The following INTS14 variants were observed in gnomAD, a reference collection of about 807,000 sequenced individuals.
INTS14 encodes integrator complex subunit 14.
In INTS14, 27 loss-of-function variants were observed where a neutral mutation model predicts 56.9. The ratio of observed to expected loss-of-function variants is 0.47; its 90% confidence interval spans 0.35 to 0.65. INTS14 has a LOEUF of 0.65. Among genes scored for constraint, INTS14 ranks in the 30% least tolerant of loss-of-function variants. INTS14 has a pLI of 0.00. For synonymous variants in INTS14, 207 were observed against 236.2 expected (o/e 0.88, Z 1.13); for missense variants, 517 against 632.2 (o/e 0.82, Z 1.95).
chr15:65,600,059 G>T, intron 3 of INTS14, 130 bp from the exon 4 acceptor site: 1 of 1,040,258 alleles, frequency 9.6e-7, no homozygotes, highest in Non-Finnish European at 1.4e-6. Flanking sequence ...TGTAATCCCA[G>T]TGCTTTGGGA....
Position 65,581,965 on chromosome 15 carries a change from T to G in INTS14, c.1294A>C (p.Thr432Pro). 1.2e-6 allele frequency: 2 copies of G among 1,613,454 alleles called. No individual in the cohort carries two copies. Among genetic ancestry groups the G allele is most frequent in the Non-Finnish European group, 1.7e-6 (2 of 1,179,922 alleles). Reference protein sequence around the residue: ...NARKLPEKTQTFYKELNRLRK... With the variant: ...NARKLPEKTQPFYKELNRLRK... ...TCTGTCTGTCTCACCTTATAGAATG[T>G]CTGTGTTTTTTCAGGTAGTTTCCTT... is the stretch of plus-strand genomic sequence containing the variant. Residue 432 changes from threonine (T) to proline (P), a missense_variant, in exon 11 of 12, where the codon ACA (threonine) becomes CCA (proline). By Grantham distance (38) the Thr-to-Pro change is conservative (BLOSUM62 -1). Coordinates refer to ENST00000313182, the MANE Select transcript of INTS14 (RefSeq NM_001394796.1).
intron 7 of INTS14, among the ~76,000 whole-genome samples, chr15:65,594,385 T>C (rs1596250402): frequency 1.4e-5 from 2 of 146,864 alleles, no homozygotes; most frequent in Non-Finnish European, 3.0e-5. Flanking sequence ...TCCCATATTT[T>C]TCTTTTTCTT....
At position 65,599,905 on chromosome 15, in the gene INTS14, G is replaced by T. The variant is rs2073363512; in HGVS notation, c.355C>A (p.Leu119Ile). 1 of 1,613,216 alleles carries T rather than the reference G, an allele frequency of 6.2e-7. No individual in the cohort carries two copies. The highest frequency in any genetic ancestry group is 1.3e-5 in the African/African-American group (1 of 74,844). ...CQVVLVTDGC[L>I]GIGRGSLRHS... ...CGCAGTGACCCTCTACCAATGCCAAGACAGCCGTCTGTCACCAGGACAACC... is the reference window on the plus strand; with the variant it reads ...CGCAGTGACCCTCTACCAATGCCAATACAGCCGTCTGTCACCAGGACAACC... Residue 119 changes from leucine to isoleucine, a missense_variant, in exon 4 of 12, where the codon CTT (leucine) becomes ATT (isoleucine). By Grantham distance (5) the Leu-to-Ile change is conservative. Coordinates refer to ENST00000313182, the MANE Select transcript of INTS14 (RefSeq NM_001394796.1).
rs1214413576 is a variant in INTS14, at chr15:65,579,439, T to C, written c.1526A>G (p.Asp509Gly). Reference sequence around the variant, plus strand: ...TCTTTCAGTGCTGCTCCCAGAGAAGTCCGTGTGCAAAGGTGTGATGTTCTG... The same window carrying C: ...TCTTTCAGTGCTGCTCCCAGAGAAGCCCGTGTGCAAAGGTGTGATGTTCTG... ...YDQNITPLHT[D>G]FSGSSTERI is the part of the protein sequence containing the mutation. Residue 509 changes from aspartate to glycine, a missense_variant, in exon 12 of 12, where the codon GAC (aspartate) becomes GGC (glycine). Asp to Gly is a moderately conservative substitution (Grantham distance 94). Transcript: ENST00000313182. The C allele has an allele frequency of 1.9e-6, 3 of 1,613,250 alleles. No individual in the cohort carries two copies. Among genetic ancestry groups the C allele is most frequent in the Non-Finnish European group, 2.5e-6 (3 of 1,179,332 alleles).
At chr15:65,590,252 T>G (rs2072974509) in intron 9 of INTS14, among the ~76,000 whole-genome samples, 1 of 152,238 alleles carries the variant, frequency 6.6e-6, no homozygotes, top group African/African-American at 2.4e-5. Context: ...TACAAATTTC[T>G]TATCTCTCAC....
At chr15:65,579,736 T>TA in intron 11 of INTS14, 77 bp from the exon 12 acceptor site, 1 of 1,519,928 alleles carries the variant, frequency 6.6e-7, no homozygotes, top group African/African-American at 1.4e-5. Flanking sequence ...CAGCTTAGCA[T>TA]AAGTTCTCCT....
chr15:65,581,421 G>C (rs376467124), intron 11 of INTS14, among the ~76,000 whole-genome samples: 1 of 97,684 alleles, frequency 1.0e-5, no homozygotes, highest in Non-Finnish European at 2.2e-5. Flanking sequence ...GGTGGCACGT[G>C]CCTGTAGTAC....
intron 6 of INTS14, among the ~76,000 whole-genome samples, chr15:65,597,913 C>T (rs1159984531): frequency 2.6e-5 from 4 of 152,090 alleles, no homozygotes; most frequent in Non-Finnish European, 4.4e-5. Flanking sequence ...ATTCTGCCAC[C>T]CCTTAGGTAA....
At position 65,607,070 on chromosome 15, in the gene INTS14, A is replaced by C. The variant is rs142150005; in HGVS notation, c.222+89T>G. On this transcript the variant is annotated intron_variant, in intron 2 of 11. Transcript: ENST00000313182. The stretch of plus-strand genomic sequence containing the variant: ...ACTCATAGACTTATTAAATAATGCC[A>C]AAGTTCTAAATATTCAACGCATTAT... 187 of 1,471,418 alleles carry C rather than the reference A, an allele frequency of 1.3e-4. 1 individual carries two copies. In the African/African-American group the frequency reaches 2.4e-3, roughly 19 times the overall value. 91.1% of individuals were successfully genotyped at this position (1,471,418 alleles called of 1,614,324 possible). A position where few individuals can be genotyped will look rare whatever the true frequency, so the allele number is the denominator to read the frequency against.
At chr15:65,602,575 G>A (rs1371091943) in intron 3 of INTS14, among the ~76,000 whole-genome samples, 1 of 151,778 alleles carries the variant, frequency 6.6e-6, no homozygotes, top group Non-Finnish European at 1.5e-5. Flanking sequence ...GTGAGCCGTC[G>A]CGCCTGGCCA....
intron 5 of INTS14, 52 bp downstream of exon 5, chr15:65,598,820 A>C (rs2073314260): frequency 7.3e-7 from 1 of 1,374,424 alleles, no homozygotes; most frequent in Non-Finnish European, 1.0e-6. Context: ...TGGATGTCAA[A>C]TTATAATACT....
Position 65,610,151 on chromosome 15 carries a change from G to A in INTS14, c.-63+947C>T, listed in dbSNP as rs1363582340. 3.3e-5 allele frequency among the ~76,000 whole-genome samples: 5 copies of A among 151,836 alleles called. No individual in the cohort carries two copies. In the East Asian group the frequency reaches 5.8e-4, roughly 18 times the overall value. ...GAGGCGGGCAGATCACCCGAGGTCAGGAGTTCGAGACCAGTCTGACCAACA... is the reference window on the plus strand; with the variant it reads ...GAGGCGGGCAGATCACCCGAGGTCAAGAGTTCGAGACCAGTCTGACCAACA... On this transcript the variant is annotated intron_variant, in intron 1 of 11. Transcript: ENST00000313182.
At chr15:65,600,395 A>C (rs753786199) in intron 3 of INTS14, among the ~76,000 whole-genome samples, 2 of 152,112 alleles carry the variant, frequency 1.3e-5, no homozygotes, top group Non-Finnish European at 2.9e-5. Flanking sequence ...TTGGGAGGCC[A>C]AGGCAGGCAG....
intron 6 of INTS14, among the ~76,000 whole-genome samples, 170 bp from the exon 7 acceptor site, chr15:65,595,995 C>T (rs1210951317): frequency 1.3e-5 from 2 of 152,138 alleles, no homozygotes; most frequent in Admixed American, 1.3e-4. Flanking sequence ...TTTTAAGCTG[C>T]TCAGGAAATA....
rs916003898 is a variant in INTS14 at position 65,587,583 on chromosome 15, G to C, written c.1121-2695C>G. 1.1e-4 allele frequency among the ~76,000 whole-genome samples: 16 copies of C among 152,188 alleles called. 1 individual carries two copies. The highest frequency in any genetic ancestry group is 2.9e-5 in the Non-Finnish European group (2 of 68,030). ...AAGAACATTATAACTATATTGGGAG[G>C]ATAGTAGGAGGGGAAATGTGCGTCT... On this transcript the variant is annotated intron_variant, in intron 9 of 11. Coordinates refer to ENST00000313182, the MANE Select transcript of INTS14 (RefSeq NM_001394796.1).
At chr15:65,585,645 T>C (rs1467551894) in intron 9 of INTS14, among the ~76,000 whole-genome samples, 3 of 152,210 alleles carry the variant, frequency 2.0e-5, no homozygotes, top group African/African-American at 4.8e-5. Flanking sequence ...CACAAACTTA[T>C]AAAGCACACA....
intron 1 of INTS14, among the ~76,000 whole-genome samples, chr15:65,607,822 A>C (rs1037471717): frequency 1.3e-5 from 2 of 152,266 alleles, no homozygotes; most frequent in Non-Finnish European, 2.9e-5. Flanking sequence ...TATTTGACAA[A>C]CAACCATTGT....
At chr15:65,610,715 G>C in intron 1 of INTS14, 1 of 1,535,640 alleles carries the variant, frequency 6.5e-7, no homozygotes, top group Non-Finnish European at 8.7e-7. Flanking sequence ...TCAGCCTCCG[G>C]GAGTCCCTCC....
chr15:65,579,257 G>T lies in INTS14; in HGVS notation c.*151C>A. 9.3e-7 allele frequency: 1 copy of T among 1,072,394 alleles called. No individual in the cohort carries two copies. The highest frequency in any genetic ancestry group is 1.3e-6 in the Non-Finnish European group (1 of 751,100). 66.4% of individuals were successfully genotyped at this position (1,072,394 alleles called of 1,614,324 possible). A position where few individuals can be genotyped will look rare whatever the true frequency, so the allele number is the denominator to read the frequency against. ...CCACCTTCACATCCTTCTCATACTA[G>T]TAGAGTCATTCAAAACAGCAAGTGG... On this transcript the variant is annotated 3_prime_UTR_variant, in exon 12 of 12. Coordinates refer to ENST00000313182, the MANE Select transcript of INTS14 (RefSeq NM_001394796.1).
Sources: allele counts gnomAD v4.1 joint callset (sites outside exome capture counted in the v4.1 genomes callset), GRCh38; gene constraint gnomAD v4.1.1; transcripts MANE v1.5; gene names NCBI Gene and HGNC (gene_info 2026-07-23, HGNC 2026-07-21).